The following ZNF518A variants were observed in gnomAD, a reference collection of about 807,000 sequenced individuals.
ZNF518A encodes the protein zinc finger protein 518A.
Under a neutral mutation model 102.7 loss-of-function variants are expected in ZNF518A, and 47 were observed. The ratio of observed to expected loss-of-function variants is 0.46; its 90% CI spans 0.36 to 0.58. The LOEUF is 0.58. ZNF518A is among the 20% of genes least tolerant of loss of function. The pLI, the probability that ZNF518A is intolerant of heterozygous loss-of-function variation, is 0.00. For synonymous variants in ZNF518A, 652 were observed against 594.6 expected, an observed-to-expected ratio of 1.10 and a Z score of -1.40; for missense variants, 1,793 against 1,699.8, an observed-to-expected ratio of 1.05 and a Z score of -0.96.
At chr10:96,204,681 C>A, downstream of ZNF518A, 4 of 1,527,642 alleles carry the variant, frequency 2.6e-6, no homozygotes, top group African/African-American at 1.4e-5. Context: ...CAAAACCCAG[C>A]AACATCAGCT....
rs781901068 is a variant in ZNF518A at position 96,159,134 on chromosome 10, T to C, written c.2812T>C (p.Phe938Leu). 1.9e-5 allele frequency: 31 copies of C among 1,612,242 alleles called. No individual in the cohort carries two copies. In the Admixed American group the frequency reaches 5.2e-4, roughly 27 times the overall value. ...TATAATTGTTCAGACTTCAAAAGGA[T>C]TCTTAATACCATTGAACATTACTAA... The part of the protein sequence containing the change: ...KTIIVQTSKG[F>L]LIPLNITNKP... The change falls in exon 6 of 6, where the codon TTC becomes CTC. Residue 938 changes from phenylalanine (F) to leucine (L), a missense_variant. Physicochemically the swap from Phe to Leu is conservative, Grantham distance 22 (BLOSUM62 0). This residue lies in a region of ZNF518A where 1,741 missense variants were observed against 1,622.6 expected (regional missense o/e 1.07). Coordinates refer to ENST00000316045, the MANE Select transcript of ZNF518A (RefSeq NM_001330736.2).
Position 96,163,570 on chromosome 10 carries a change from T to C in ZNF518A, c.*2796T>C, listed in dbSNP as rs1301921122. On this transcript the variant is annotated 3_prime_UTR_variant, in exon 6 of 6. Coordinates refer to ENST00000316045, the MANE Select transcript of ZNF518A (RefSeq NM_001330736.2). ...TTCAGTAACACAAATTGAAATGTAATAGTTTTTTTAATGGAAAATATTTTC... is the reference window on the plus strand; with the variant it reads ...TTCAGTAACACAAATTGAAATGTAACAGTTTTTTTAATGGAAAATATTTTC... 6.0e-6 allele frequency: 1 copy of C among 167,066 alleles called. No individual in the cohort carries two copies. Among genetic ancestry groups the C allele is most frequent in the Non-Finnish European group, 1.5e-5 (1 of 68,088 alleles). 10.3% of individuals were successfully genotyped at this position (167,066 alleles called of 1,614,324 possible).
chr10:96,169,704 A>G (rs1242321887), intron 1 of ZNF518A, among the ~76,000 whole-genome samples: 1 of 152,234 alleles, frequency 6.6e-6, no homozygotes, highest in Admixed American at 6.5e-5. Flanking sequence ...TGTATGGGTC[A>G]TACTTTGCTC....
intron 3 of ZNF518A, among the ~76,000 whole-genome samples, chr10:96,141,306 CAG>C (rs58255521): frequency 0.031 from 4,689 of 152,150 alleles, 239 homozygotes; most frequent in East Asian, 0.17. Context: ...AGTGGATACT[CAG>C]AGAAAGGAGA....
At chr10:96,153,021 A>G (rs587663249) in intron 3 of ZNF518A, among the ~76,000 whole-genome samples, 61 of 152,330 alleles carry the variant, frequency 4.0e-4, no homozygotes, top group African/African-American at 1.3e-3. Flanking sequence ...GGATGCTGGT[A>G]GTATGATTCA....
chr10:96,136,355 C>G, intron 3 of ZNF518A, among the ~76,000 whole-genome samples: 1 of 149,816 alleles, frequency 6.7e-6, no homozygotes, highest in Non-Finnish European at 1.5e-5. Flanking sequence ...TATATATAAC[C>G]TTTCTCAAAA....
At chr10:96,181,883 G>A (rs973259717) in intron 1 of ZNF518A, among the ~76,000 whole-genome samples, 4 of 152,148 alleles carry the variant, frequency 2.6e-5, no homozygotes, top group Admixed American at 2.6e-4. Context: ...GAAAGTCATT[G>A]GTAGCTTGAT....
chr10:96,172,959 G>T (rs1197103506), intron 1 of ZNF518A, among the ~76,000 whole-genome samples: 1 of 152,048 alleles, frequency 6.6e-6, no homozygotes, highest in Admixed American at 6.5e-5. Context: ...ATCAATCATG[G>T]ATCAAAAATG....
rs1361362344 is a variant in ZNF518A at position 96,157,743 on chromosome 10, C to T, written c.1421C>T (p.Ser474Leu). Residue 474 changes from serine (S) to leucine (L), a missense_variant, in exon 6 of 6, where the codon TCA (serine) becomes TTA (leucine). Coordinates refer to ENST00000316045, the MANE Select transcript of ZNF518A (RefSeq NM_001330736.2). Reference protein sequence around the residue: ...KQNVCSPGSQSGAAKDGTANL... With the variant: ...KQNVCSPGSQLGAAKDGTANL... Reference sequence around the variant, plus strand: ...AATGTATGTTCACCAGGCTCACAGTCAGGTGCTGCAAAGGACGGTACTGCT... The same window carrying T: ...AATGTATGTTCACCAGGCTCACAGTTAGGTGCTGCAAAGGACGGTACTGCT... 6.2e-7 allele frequency: 1 copy of T among 1,613,738 alleles called. No homozygotes were observed. Among genetic ancestry groups the T allele is most frequent in the East Asian group, 2.2e-5 (1 of 44,882 alleles).
downstream of ZNF518A, among the ~76,000 whole-genome samples, chr10:96,165,405 C>A (rs587615860): frequency 6.6e-6 from 1 of 151,122 alleles, no homozygotes; most frequent in Non-Finnish European, 1.5e-5. Flanking sequence ...CCATGCCCAG[C>A]CAGTAAGACC....
Position 96,157,841 on chromosome 10 carries a change from T to A in ZNF518A, c.1519T>A (p.Tyr507Asn), listed in dbSNP as rs2082772173. Residue 507 changes from tyrosine (Y) to asparagine (N), a missense_variant, in exon 6 of 6, where the codon TAT (tyrosine) becomes AAT (asparagine). By Grantham distance (143) the Tyr-to-Asn change is moderately radical. Around this residue, in one of 3 missense-constraint regions of ZNF518A, gnomAD observed 1,741 missense variants for 1,622.6 expected, o/e 1.07. Coordinates refer to ENST00000316045, the MANE Select transcript of ZNF518A (RefSeq NM_001330736.2). ...AACAACTGAGTTAAATGACACAGTTTATATGAAAGCAGCTACTCCATTTTC... is the reference window on the plus strand; with the variant it reads ...AACAACTGAGTTAAATGACACAGTTAATATGAAAGCAGCTACTCCATTTTC... ...GVTTELNDTVYMKAATPFSCS... is the reference protein window; with the variant it reads ...GVTTELNDTVNMKAATPFSCS... The A allele has an allele frequency of 6.2e-7, 1 of 1,613,912 alleles. No homozygotes were observed. The highest frequency in any genetic ancestry group is 1.7e-5 in the Admixed American group (1 of 60,030).
intron 3 of ZNF518A, among the ~76,000 whole-genome samples, chr10:96,144,721 G>A (rs974334196): frequency 6.6e-6 from 1 of 152,012 alleles, no homozygotes; most frequent in Admixed American, 6.5e-5. Context: ...AGTTTGGTTA[G>A]TGAACTATTT....
At chr10:96,193,806 C>G (rs2083389622) in intron 1 of ZNF518A, among the ~76,000 whole-genome samples, 1 of 152,118 alleles carries the variant, frequency 6.6e-6, no homozygotes, top group Non-Finnish European at 1.5e-5. Flanking sequence ...GAATTGGTTA[C>G]TTTTTCTAGC....
intron 5 of ZNF518A, 25 bp downstream of exon 5, chr10:96,156,072 A>G (rs1554882139): frequency 3.0e-5 from 7 of 235,182 alleles, no homozygotes; most frequent in Non-Finnish European, 8.1e-6. Flanking sequence ...AAATACTTAA[A>G]AAGTCTTTTG....
At chr10:96,147,902 C>T (rs1382816902) in intron 3 of ZNF518A, among the ~76,000 whole-genome samples, 1 of 152,038 alleles carries the variant, frequency 6.6e-6, no homozygotes, top group East Asian at 1.9e-4. Context: ...CTCTTCCTGC[C>T]CTCCTGTTAG....
At chr10:96,143,817 T>G (rs371627534) in intron 3 of ZNF518A, among the ~76,000 whole-genome samples, 13 of 152,360 alleles carry the variant, frequency 8.5e-5, no homozygotes, top group African/African-American at 3.1e-4. Flanking sequence ...TGCTATACCA[T>G]GCTGTCATTT....
At chr10:96,182,133 C>G (rs1312277147) in intron 1 of ZNF518A, among the ~76,000 whole-genome samples, 3 of 152,080 alleles carry the variant, frequency 2.0e-5, no homozygotes, top group African/African-American at 7.2e-5. Context: ...ATTTGCCTGT[C>G]TGTTATTGGT....
intron 3 of ZNF518A, among the ~76,000 whole-genome samples, chr10:96,137,769 G>A (rs1206803196): frequency 6.6e-6 from 1 of 152,080 alleles, no homozygotes; most frequent in Non-Finnish European, 1.5e-5. Flanking sequence ...CCAAGTACTT[G>A]AAAGTACATA....
intron 1 of ZNF518A, chr10:96,191,827 G>T: frequency 9.2e-7 from 1 of 1,081,402 alleles, no homozygotes; most frequent in Non-Finnish European, 1.4e-6. Flanking sequence ...AAAAGAAATG[G>T]ATGACCACTT....
Sources: allele counts gnomAD v4.1 joint callset (sites outside exome capture counted in the v4.1 genomes callset), GRCh38; gene constraint gnomAD v4.1.1; regional missense constraint gnomAD v4.1.1; transcripts MANE v1.5; gene names NCBI Gene and HGNC (gene_info 2026-07-23, HGNC 2026-07-21).